HHLA1: variants seen among roughly 807,000 people sequenced by gnomAD.
HHLA1 encodes the protein HERV-H LTR-associating protein 1.
A neutral mutation model predicts 69.9 loss-of-function variants in HHLA1; 72 were observed. That is an observed-to-expected ratio of 1.03 (90% CI 0.85 to 1.25). The LOEUF (loss-of-function observed/expected upper bound fraction) is 1.25, where lower values mean the gene tolerates loss of function less well. Ranked by LOEUF, HHLA1 falls within the 50% of genes most tolerant of loss-of-function variation. The pLI, the probability that HHLA1 is intolerant of heterozygous loss-of-function variation, is 0.00. For synonymous variants in HHLA1, 252 were observed against 233.2 expected (o/e 1.08, Z -0.73); for missense variants, 685 against 642.2 (o/e 1.07, Z -0.72).
chr8:132,071,598 G>A (rs1037379699), intron 14 of HHLA1, 105 bp from the exon 15 acceptor site: 36 of 1,025,192 alleles, frequency 3.5e-5, no homozygotes, highest in Admixed American at 9.6e-5. Flanking sequence ...CTGATCTCAC[G>A]TAGCTCTGAG....
chr8:132,072,688 T>C (rs1823567389), intron 14 of HHLA1, among the ~76,000 whole-genome samples: 1 of 152,190 alleles, frequency 6.6e-6, no homozygotes, highest in Admixed American at 6.5e-5. Context: ...TGCAGTTTGG[T>C]TATTGTCTAG....
intron 3 of HHLA1, chr8:132,101,352 T>C (rs1824107467): frequency 6.7e-7 from 1 of 1,500,458 alleles, no homozygotes; most frequent in Non-Finnish European, 8.9e-7. Context: ...TTAGAAATCA[T>C]CTTGTCCAAC....
At chr8:132,078,094 G>T in intron 11 of HHLA1, 123 bp from the exon 12 acceptor site, 1 of 1,026,166 alleles carries the variant, frequency 9.7e-7, no homozygotes, top group Non-Finnish European at 1.4e-6. Context: ...TGTAATATAA[G>T]TAATCCAGGG....
rs536056649 is a variant in HHLA1 at position 132,080,472 on chromosome 8, C to T, written c.677-506G>A. The T allele has an allele frequency of 3.9e-5, 10 of 254,526 alleles. No homozygotes were observed. The South Asian group carries it at 4.4e-4, about 11-fold the overall frequency. 15.8% of individuals were successfully genotyped at this position (254,526 alleles called of 1,614,324 possible). A position where few individuals can be genotyped will look rare whatever the true frequency, so the allele number is the denominator to read the frequency against. ...GTGCTCAGTGGGGGTGCTTTTTGAG[C>T]CAGGATGAGCCAGGAAGAGGACTTT... On this transcript the variant is annotated intron_variant, in intron 10 of 16. Transcript: ENST00000414222.
chr8:132,077,577 A>G, intron 12 of HHLA1, 149 bp downstream of exon 12: 1 of 774,732 alleles, frequency 1.3e-6, no homozygotes, highest in Admixed American at 2.9e-5. Flanking sequence ...GGCAAAGGAA[A>G]GGAGAAGGAA....
rs1823375140 is a variant in HHLA1 at position 132,062,775 on chromosome 8, A to G, written c.*1220T>C. 1 of 152,212 alleles carries G rather than the reference A, an allele frequency of 6.6e-6. No homozygotes were observed. The highest frequency in any genetic ancestry group is 2.4e-5 in the African/African-American group (1 of 41,456). The allele number at this position is 152,212 out of a possible 1,614,324, so 9.4% of individuals were successfully genotyped here. A position where few individuals can be genotyped will look rare whatever the true frequency, so the allele number is the denominator to read the frequency against. ...AGAAGAAAGTTGACTCCACAGACGT[A>G]CTCCACAGATGAGCTCAAATCCTGC... On this transcript the variant is annotated 3_prime_UTR_variant, in exon 17 of 17. Transcript: ENST00000414222.
intron 12 of HHLA1, 30 bp from the exon 13 acceptor site, chr8:132,076,573 G>C: frequency 1.4e-6 from 2 of 1,442,204 alleles, no homozygotes; most frequent in South Asian, 2.8e-5. Context: ...AGGTGAGCCT[G>C]CATCTCTTCT....
intron 15 of HHLA1, chr8:132,070,396 A>C: frequency 1.4e-6 from 1 of 701,964 alleles, no homozygotes; most frequent in Non-Finnish European, 2.6e-6. Flanking sequence ...ATTTAGATAG[A>C]CATATCTTCT....
chr8:132,071,881 G>T (rs963204986), intron 14 of HHLA1, among the ~76,000 whole-genome samples: 2 of 152,018 alleles, frequency 1.3e-5, no homozygotes, highest in Non-Finnish European at 2.9e-5. Flanking sequence ...TTGAGTACAG[G>T]GGATATGAGG....
At chr8:132,080,043 G>T in intron 10 of HHLA1, 77 bp from the exon 11 acceptor site, 1 of 1,490,108 alleles carries the variant, frequency 6.7e-7, no homozygotes, top group Non-Finnish European at 9.2e-7. Context: ...TCACTGGACT[G>T]CAAATATATG....
In HHLA1 at chr8:132,102,792, ATTTTTTTTTT is replaced by A. The variant is rs3048490; in HGVS notation, c.139+1306_139+1315del. 7.5e-3 allele frequency among the ~76,000 whole-genome samples: 1,079 copies of A among 143,886 alleles called. 14 individuals are homozygous for A. Among genetic ancestry groups the A allele is most frequent in the East Asian group, 0.026 (123 of 4,712 alleles). The allele number at this position is 143,886 out of a possible 152,430, so 94.4% of individuals were successfully genotyped here. A position where few individuals can be genotyped will look rare whatever the true frequency, so the allele number is the denominator to read the frequency against. On this transcript the variant is annotated intron_variant, in intron 3 of 16. Transcript: ENST00000414222. ...TGTGTCATCTTCTTCACTGAGCACC[ATTTTTTTTTT>A]TTTTTTTTTTTTTTTTAGCACTATT... is the stretch of plus-strand genomic sequence containing the variant.
At chr8:132,064,515 C>T (rs1474518539) in intron 16 of HHLA1, among the ~76,000 whole-genome samples, 1 of 152,132 alleles carries the variant, frequency 6.6e-6, no homozygotes, top group Non-Finnish European at 1.5e-5. Context: ...ACCCCACCCC[C>T]ACTCCTAATG....
intron 7 of HHLA1, among the ~76,000 whole-genome samples, chr8:132,094,849 G>A (rs1396115802): frequency 6.6e-6 from 1 of 152,192 alleles, no homozygotes; most frequent in African/African-American, 2.4e-5. Flanking sequence ...CATAGTGCAC[G>A]CTCAGATGGA....
intron 12 of HHLA1, 150 bp from the exon 13 acceptor site, chr8:132,076,693 A>G: frequency 2.0e-6 from 1 of 506,120 alleles, no homozygotes; most frequent in Non-Finnish European, 3.5e-6. Context: ...ATGAGTAAGA[A>G]ATAAAACCCA....
intron 15 of HHLA1, 73 bp downstream of exon 15, chr8:132,071,267 C>A (rs750368299): frequency 7.2e-7 from 1 of 1,381,682 alleles, no homozygotes; most frequent in Middle Eastern, 1.9e-4. Context: ...TGCCTTGTGG[C>A]CTGCAGAAAA....
chr8:132,067,688 A>G (rs960591969), intron 15 of HHLA1, among the ~76,000 whole-genome samples: 1 of 152,208 alleles, frequency 6.6e-6, no homozygotes, highest in African/African-American at 2.4e-5. Context: ...ACCATGCAGG[A>G]ACAATTAGAT....
chr8:132,073,229 T>G (rs1823579016), intron 14 of HHLA1, among the ~76,000 whole-genome samples: 1 of 152,204 alleles, frequency 6.6e-6, no homozygotes, highest in African/African-American at 2.4e-5. Context: ...TTCTCCCACC[T>G]CAGCCTCCCA....
intron 7 of HHLA1, among the ~76,000 whole-genome samples, chr8:132,093,694 T>C (rs999018100): frequency 3.2e-4 from 49 of 152,202 alleles, no homozygotes; most frequent in African/African-American, 1.2e-3. Flanking sequence ...ACTCATGAAA[T>C]AAAATTATAA....
intron 15 of HHLA1, chr8:132,070,294 T>C: frequency 1.4e-6 from 1 of 701,772 alleles, no homozygotes; most frequent in Non-Finnish European, 2.6e-6. Flanking sequence ...TGTCTAGACC[T>C]TCTTAATATA....
Sources: allele counts gnomAD v4.1 joint callset (sites outside exome capture counted in the v4.1 genomes callset), GRCh38; gene constraint gnomAD v4.1.1; transcripts MANE v1.5; gene names NCBI Gene and HGNC (gene_info 2026-07-23, HGNC 2026-07-21).